Variants in TRIM56 observed in about 807,000 individuals in gnomAD.
TRIM56 encodes tripartite motif containing 56.
A neutral mutation model predicts 17.1 loss-of-function variants in TRIM56; 10 were observed. That is an observed-to-expected ratio of 0.58 (90% confidence interval 0.36 to 0.99). The LOEUF (loss-of-function observed/expected upper bound fraction) is 0.99. TRIM56 is among the 50% of genes least tolerant of loss of function. The pLI, the probability that TRIM56 is intolerant of heterozygous loss-of-function variation, is 0.01. For synonymous variants in TRIM56, 503 were observed against 473.5 expected, an observed-to-expected ratio of 1.06 and a Z score of -0.81; for missense variants, 923 against 1,052.3, an observed-to-expected ratio of 0.88 and a Z score of 1.70.
chr7:101,088,037 C>G lies in TRIM56; in HGVS notation c.725C>G (p.Ala242Gly), dbSNP rs1795482337. The change falls in exon 3 of 3, where the codon GCC (alanine) becomes GGC (glycine). Residue 242 changes from alanine (A) to glycine (G), a missense_variant. By Grantham distance (60) the Ala-to-Gly change is moderately conservative (BLOSUM62 0). Transcript: ENST00000306085. The part of the protein sequence containing the change: ...AARRVEKEAL[A>G]RLREQAARVG... ...CGGAGGGTGGAGAAGGAGGCGCTAG[C>G]CCGGCTGCGGGAGCAGGCGGCCCGG... The G allele has an allele frequency of 6.5e-7, 1 of 1,546,904 alleles. No individual in the cohort carries two copies. The highest frequency in any genetic ancestry group is 8.7e-7 in the Non-Finnish European group (1 of 1,150,860).
intron 1 of TRIM56, among the ~76,000 whole-genome samples, chr7:101,086,234 A>G (rs1795446622): frequency 1.3e-5 from 2 of 151,936 alleles, no homozygotes; most frequent in Non-Finnish European, 2.9e-5. Context: ...GCAAGACCCC[A>G]TCTCTACAAA....
rs750149140 is a variant in TRIM56, at chr7:101,087,578, G to A, written c.266G>A (p.Arg89Gln). Residue 89 changes from arginine to glutamine, a missense_variant, in exon 3 of 3, where the codon CGG becomes CAG. Coordinates refer to ENST00000306085, the MANE Select transcript of TRIM56 (RefSeq NM_030961.3). ...VNGLLDLVKA[R>Q]ACGDLRAGKP... The stretch of plus-strand genomic sequence containing the variant: ...GGGCTGCTGGACCTGGTGAAGGCCC[G>A]GGCCTGTGGAGACCTGCGTGCCGGG... 11 of 1,612,872 alleles carry A rather than the reference G, an allele frequency of 6.8e-6. No homozygotes were observed. In the Middle Eastern group the frequency reaches 6.6e-4, roughly 97 times the overall value.
Position 101,091,100 on chromosome 7 carries a change from G to A in TRIM56, c.*1520G>A, listed in dbSNP as rs1280979670. The A allele has an allele frequency of 6.6e-6, 1 of 152,272 alleles. No homozygotes were observed. Among genetic ancestry groups the A allele is most frequent in the East Asian group, 1.9e-4 (1 of 5,198 alleles). The allele number at this position is 152,272 out of a possible 1,614,324, so 9.4% of individuals were successfully genotyped here. On this transcript the variant is annotated 3_prime_UTR_variant, in exon 3 of 3. Transcript: ENST00000306085. The stretch of plus-strand genomic sequence containing the variant: ...GAGGAACCCGTCGGAGGTGGGCTGT[G>A]ACCACCGGACCTTTTCATAAGTGGT...
rs998722028 is a variant in TRIM56 at position 101,093,984 on chromosome 7, T to A, written c.*4404T>A. On this transcript the variant is annotated 3_prime_UTR_variant, in exon 3 of 3. Coordinates refer to ENST00000306085, the MANE Select transcript of TRIM56 (RefSeq NM_030961.3). ...CTAGACTTTGCAAGAATGACAAAAA[T>A]GATTATAAGAATCAGTTGTCTCACT... 6.6e-6 allele frequency: 1 copy of A among 152,192 alleles called. No individual in the cohort carries two copies. The highest frequency in any genetic ancestry group is 2.4e-5 in the African/African-American group (1 of 41,442). The allele number at this position is 152,192 out of a possible 1,614,324, so 9.4% of individuals were successfully genotyped here.
At position 101,096,018 on chromosome 7, in the gene TRIM56, A is replaced by G. The variant is rs1795649201; in HGVS notation, c.*6438A>G. 6.6e-6 allele frequency: 1 copy of G among 152,070 alleles called. No individual in the cohort carries two copies. The highest frequency in any genetic ancestry group is 2.4e-5 in the African/African-American group (1 of 41,384). 9.4% of individuals were successfully genotyped at this position (152,070 alleles called of 1,614,324 possible). A position where few individuals can be genotyped will look rare whatever the true frequency, so the allele number is the denominator to read the frequency against. On this transcript the variant is annotated 3_prime_UTR_variant, in exon 3 of 3. Coordinates refer to ENST00000306085, the MANE Select transcript of TRIM56 (RefSeq NM_030961.3). ...GCCTAGCCAACATGGTGAAACCCCC[A>G]TCTCTACTAAAAATACAAAAATTAG...
At position 101,091,349 on chromosome 7, in the gene TRIM56, C is replaced by T; in HGVS notation, c.*1769C>T. 5.9e-6 allele frequency: 1 copy of T among 170,624 alleles called. No individual in the cohort carries two copies. Among genetic ancestry groups the T allele is most frequent in the Non-Finnish European group, 1.3e-5 (1 of 78,770 alleles). 10.6% of individuals were successfully genotyped at this position (170,624 alleles called of 1,614,324 possible). On this transcript the variant is annotated 3_prime_UTR_variant, in exon 3 of 3. Coordinates refer to ENST00000306085, the MANE Select transcript of TRIM56 (RefSeq NM_030961.3). The stretch of plus-strand genomic sequence containing the variant: ...CCATTTCTTGTTTATTGAAACAATG[C>T]AGGACATCATCAAAGTCCGGGTGGA...
In TRIM56 at chr7:101,088,012, C is replaced by T. The variant is rs757998533; in HGVS notation, c.700C>T (p.Arg234Trp). The T allele has an allele frequency of 8.9e-6, 14 of 1,575,028 alleles. No homozygotes were observed. The highest frequency in any genetic ancestry group is 4.6e-5 in the East Asian group (2 of 43,808). The stretch of plus-strand genomic sequence containing the variant: ...TAACCTGGTGGAGCTGGAGGCAGCG[C>T]GGAGGGTGGAGAAGGAGGCGCTAGC... Reference protein sequence around the residue: ...DNNLVELEAARRVEKEALARL... With the variant: ...DNNLVELEAAWRVEKEALARL... Residue 234 changes from arginine (R) to tryptophan (W), a missense_variant, in exon 3 of 3, where the codon CGG becomes TGG. Arg to Trp is a moderately radical substitution (Grantham distance 101). Transcript: ENST00000306085.
At position 101,089,538 on chromosome 7, in the gene TRIM56, C is replaced by T. The variant is rs773008089; in HGVS notation, c.2226C>T (p.Asn742=). 18 of 1,613,976 alleles carry T rather than the reference C, an allele frequency of 1.1e-5. No homozygotes were observed. Among genetic ancestry groups the T allele is most frequent in the East Asian group, 4.5e-5 (2 of 44,894 alleles). The change falls in exon 3 of 3, where the codon AAC becomes AAT. Residue 742 remains asparagine (N), a synonymous_variant. Coordinates refer to ENST00000306085, the MANE Select transcript of TRIM56 (RefSeq NM_030961.3). ...GGTACCTGGTCGTGTCCCTCAGTAA[C>T]GGGACCATCCACATCTTTCGGGTCC... is the stretch of plus-strand genomic sequence containing the variant. ...DGRYLVVSLS[N]GTIHIFRVRS...
Position 101,087,915 on chromosome 7 carries a change from CT to C in TRIM56, c.604del (p.Cys202AlafsTer40). ...GCCTAGACCCCCACCTGGACCACCCCTGCCTGCCTCTGGCTGAAGCTGTGCG... is the reference window on the plus strand; with the variant it reads ...GCCTAGACCCCCACCTGGACCACCCCGCCTGCCTCTGGCTGAAGCTGTGCG... ...CRLDPHLDHP[C>X]LPLAEAVRAR... On this transcript the variant is annotated frameshift_variant, in exon 3 of 3. Coordinates refer to ENST00000306085, the MANE Select transcript of TRIM56 (RefSeq NM_030961.3). LOFTEE classifies it low-confidence loss of function (END_TRUNC). 3 of 1,601,712 alleles carry C rather than the reference CT, an allele frequency of 1.9e-6. No homozygotes were observed. Among genetic ancestry groups the C allele is most frequent in the Non-Finnish European group, 2.5e-6 (3 of 1,177,518 alleles).
At chr7:101,087,268 T>G in intron 2 of TRIM56, 44 bp from the exon 3 acceptor site, 1 of 1,545,532 alleles carries the variant, frequency 6.5e-7, no homozygotes, top group Non-Finnish European at 8.8e-7. Context: ...GGTGAGCTGG[T>G]GAAGGTGCCT....
chr7:101,097,498 A>T lies in TRIM56; in HGVS notation c.*7918A>T, dbSNP rs553976529. The T allele has an allele frequency of 5.9e-5, 9 of 152,348 alleles. No individual in the cohort carries two copies. In the East Asian group the frequency reaches 1.5e-3, roughly 26 times the overall value. The allele number at this position is 152,348 out of a possible 1,614,324, so 9.4% of individuals were successfully genotyped here. ...AATGCAGTTTATGAAATGGATCAGG[A>T]CAGGAGCAAAAATAGATTTTCTAGA... On this transcript the variant is annotated 3_prime_UTR_variant, in exon 3 of 3. Transcript: ENST00000306085.
In TRIM56 at chr7:101,095,525, T is replaced by C. The variant is rs1795642309; in HGVS notation, c.*5945T>C. On this transcript the variant is annotated 3_prime_UTR_variant, in exon 3 of 3. Transcript: ENST00000306085. ...GGAGTTGCATGGGAGCCATGGGCAG[T>C]GGTCCTGGCTGGTGAAATGATTCTA... The C allele has an allele frequency of 6.6e-6, 1 of 152,152 alleles. No homozygotes were observed. Among genetic ancestry groups the C allele is most frequent in the African/African-American group, 2.4e-5 (1 of 41,414 alleles). 9.4% of individuals were successfully genotyped at this position (152,152 alleles called of 1,614,324 possible).
Position 101,097,956 on chromosome 7 carries a change from G to A in TRIM56, c.*8376G>A, listed in dbSNP as rs1293638268. The A allele has an allele frequency of 1.3e-5, 2 of 150,424 alleles. No individual in the cohort carries two copies. Among genetic ancestry groups the A allele is most frequent in the East Asian group, 3.9e-4 (2 of 5,166 alleles). 9.3% of individuals were successfully genotyped at this position (150,424 alleles called of 1,614,324 possible). Reference sequence around the variant, plus strand: ...CTCTGTTTCTTAATAAAGTTCTTTTGAAAAATTGGAACCTTTTCTCAGAAG... The same window carrying A: ...CTCTGTTTCTTAATAAAGTTCTTTTAAAAAATTGGAACCTTTTCTCAGAAG... On this transcript the variant is annotated 3_prime_UTR_variant, in exon 3 of 3. Coordinates refer to ENST00000306085, the MANE Select transcript of TRIM56 (RefSeq NM_030961.3).
rs577477893 is a variant in TRIM56 at position 101,091,290 on chromosome 7, G to C, written c.*1710G>C. ...GTCCAGATGGAATGTGCAGGGCATAGGTAGAGGGAAAAGAAAATCCCTTTC... is the reference window on the plus strand; with the variant it reads ...GTCCAGATGGAATGTGCAGGGCATACGTAGAGGGAAAAGAAAATCCCTTTC... On this transcript the variant is annotated 3_prime_UTR_variant, in exon 3 of 3. Transcript: ENST00000306085. 2 of 161,098 alleles carry C rather than the reference G, an allele frequency of 1.2e-5. No individual in the cohort carries two copies. Among genetic ancestry groups the C allele is most frequent in the Admixed American group, 1.2e-4 (2 of 16,664 alleles). 10.0% of individuals were successfully genotyped at this position (161,098 alleles called of 1,614,324 possible).
At chr7:101,086,132 G>A (rs1269124573) in intron 1 of TRIM56, among the ~76,000 whole-genome samples, 3 of 152,204 alleles carry the variant, frequency 2.0e-5, no homozygotes, top group African/African-American at 4.8e-5. Context: ...AGGCGGGTGC[G>A]GTGGCTCATG....
Position 101,087,465 on chromosome 7 carries a change from C to T in TRIM56, c.153C>T (p.Gly51=), listed in dbSNP as rs905840505. The T allele has an allele frequency of 1.1e-5, 17 of 1,613,100 alleles. No individual in the cohort carries two copies. The highest frequency in any genetic ancestry group is 8.9e-5 in the East Asian group (4 of 44,886). The change falls in exon 3 of 3, where the codon GGC becomes GGT. Residue 51 remains glycine, a synonymous_variant. Transcript: ENST00000306085. ...CQDCLAQLAD[G]GRVRCPECRE... is the part of the protein sequence containing the mutation. ...ACTGCCTGGCACAGCTGGCGGATGG[C>T]GGCCGCGTCCGCTGCCCCGAGTGCC...
At position 101,087,070 on chromosome 7, in the gene TRIM56, A is replaced by C; in HGVS notation, c.-100A>C. The C allele has an allele frequency of 1.8e-6, 1 of 541,374 alleles. No homozygotes were observed. The highest frequency in any genetic ancestry group is 3.3e-6 in the Non-Finnish European group (1 of 304,406). The allele number at this position is 541,374 out of a possible 1,614,324, so 33.5% of individuals were successfully genotyped here. ...TACGTTTGCTGGATGTACACACGGA[A>C]GTGGAGGAGGAGGAGGAGAAGGAGG... On this transcript the variant is annotated 5_prime_UTR_variant, in exon 2 of 3. Transcript: ENST00000306085.
chr7:101,089,019 G>C lies in TRIM56; in HGVS notation c.1707G>C (p.Arg569=). Residue 569 remains arginine, a synonymous_variant, in exon 3 of 3, where the codon CGG becomes CGC. Coordinates refer to ENST00000306085, the MANE Select transcript of TRIM56 (RefSeq NM_030961.3). ...CGGTGGCCTTCTCCGCTAGCGCACGGCTCTATCTCATCAACCCCAACGGCG... is the reference window on the plus strand; with the variant it reads ...CGGTGGCCTTCTCCGCTAGCGCACGCCTCTATCTCATCAACCCCAACGGCG... ...QSAVAFSASA[R]LYLINPNGEV... is the part of the protein sequence containing the mutation. The C allele has an allele frequency of 6.2e-7, 1 of 1,605,644 alleles. No individual in the cohort carries two copies. Among genetic ancestry groups the C allele is most frequent in the Non-Finnish European group, 8.5e-7 (1 of 1,179,518 alleles).
chr7:101,089,899 A>C lies in TRIM56; in HGVS notation c.*319A>C. The C allele has an allele frequency of 3.4e-6, 1 of 298,402 alleles. No individual in the cohort carries two copies. The highest frequency in any genetic ancestry group is 6.7e-6 in the Non-Finnish European group (1 of 149,652). The allele number at this position is 298,402 out of a possible 1,614,324, so 18.5% of individuals were successfully genotyped here. A position where few individuals can be genotyped will look rare whatever the true frequency, so the allele number is the denominator to read the frequency against. Reference sequence around the variant, plus strand: ...ATAGTTTAGGTTTCTGAGGTTTGTGAGCCTGTCCTGCTTTGCATTCTTCAA... The same window carrying C: ...ATAGTTTAGGTTTCTGAGGTTTGTGCGCCTGTCCTGCTTTGCATTCTTCAA... On this transcript the variant is annotated 3_prime_UTR_variant, in exon 3 of 3. Coordinates refer to ENST00000306085, the MANE Select transcript of TRIM56 (RefSeq NM_030961.3).
Sources: gnomAD v4.1 joint callset for allele counts (sites outside exome capture counted in the v4.1 genomes callset) on GRCh38, gnomAD v4.1.1 for gene constraint, MANE v1.5 for transcripts, NCBI Gene and HGNC (gene_info 2026-07-23, HGNC 2026-07-21) for gene names.